SCAPER: variants seen among roughly 807,000 people sequenced by gnomAD.
SCAPER encodes the protein S-phase cyclin A associated protein in the ER.
SCAPER carries 98 observed loss-of-function variants against 182.2 expected under a neutral mutation model. The ratio of observed to expected loss-of-function variants is 0.54; its 90% CI spans 0.46 to 0.64. The LOEUF (loss-of-function observed/expected upper bound fraction) is 0.64. SCAPER is among the 30% of genes least tolerant of loss of function. The pLI, the probability that SCAPER is intolerant of heterozygous loss-of-function variation, is 0.00. For missense variants in SCAPER, 1,432 were observed against 1,690.0 expected (o/e 0.85, Z 2.68); for synonymous variants, 605 against 564.6 (o/e 1.07, Z -1.01).
At chr15:76,831,325 C>T (rs941293418) in intron 5 of SCAPER, among the ~76,000 whole-genome samples, 13 of 152,084 alleles carry the variant, frequency 8.5e-5, no homozygotes, top group African/African-American at 2.4e-4. Flanking sequence ...ACACTCGCAA[C>T]ACAGCCACAG....
chr15:76,616,382 C>A (rs1300963752), intron 22 of SCAPER, among the ~76,000 whole-genome samples: 1 of 152,040 alleles, frequency 6.6e-6, no homozygotes, highest in South Asian at 2.1e-4. Context: ...AAGACAAATA[C>A]TGTATATTTA....
In SCAPER at chr15:76,592,415, T is replaced by C. The variant is rs1258960610; in HGVS notation, c.2712-18131A>G. On this transcript the variant is annotated intron_variant, in intron 22 of 31. Coordinates refer to ENST00000563290, the MANE Select transcript of SCAPER (RefSeq NM_020843.4). ...CTGTGACTCCCTTATGCTACAAAGA[T>C]AGACAGTTGAATAAGTGAGACTCAC... 2.5e-4 allele frequency among the ~76,000 whole-genome samples: 31 copies of C among 122,014 alleles called. 5 individuals are homozygous for C. The highest frequency in any genetic ancestry group is 7.8e-4 in the African/African-American group (31 of 39,878). 80.0% of individuals were successfully genotyped at this position (122,014 alleles called of 152,430 possible). A position where few individuals can be genotyped will look rare whatever the true frequency, so the allele number is the denominator to read the frequency against.
chr15:76,705,054 C>A (rs1376851198), intron 18 of SCAPER, among the ~76,000 whole-genome samples: 17 of 151,944 alleles, frequency 1.1e-4, no homozygotes, highest in African/African-American at 1.5e-4. Flanking sequence ...GAGTATATAC[C>A]CAAAGGACTA....
At chr15:76,653,029 G>A (rs1417563077) in intron 21 of SCAPER, among the ~76,000 whole-genome samples, 2 of 152,076 alleles carry the variant, frequency 1.3e-5, no homozygotes, top group South Asian at 2.1e-4. Context: ...GTAAAGTTTC[G>A]GAATACAAAA....
chr15:76,540,458 T>C (rs978392050), intron 23 of SCAPER, among the ~76,000 whole-genome samples: 1 of 152,166 alleles, frequency 6.6e-6, no homozygotes, highest in Admixed American at 6.5e-5. Flanking sequence ...TAGATCTTCA[T>C]GTGTTGACAT....
At chr15:76,424,543 G>A (rs2046282836) in intron 26 of SCAPER, among the ~76,000 whole-genome samples, 1 of 152,134 alleles carries the variant, frequency 6.6e-6, no homozygotes, top group Non-Finnish European at 1.5e-5. Flanking sequence ...ACTGAATACA[G>A]CACATTGATG....
intron 17 of SCAPER, among the ~76,000 whole-genome samples, chr15:76,706,814 C>A (rs1419722961): frequency 4.0e-5 from 6 of 151,742 alleles, no homozygotes; most frequent in African/African-American, 1.5e-4. Context: ...ATTTAAAGTA[C>A]AATAAATTAA....
intron 15 of SCAPER, among the ~76,000 whole-genome samples, chr15:76,746,587 T>C (rs1748743539): frequency 6.6e-6 from 1 of 152,232 alleles, no homozygotes; most frequent in Non-Finnish European, 1.5e-5. Flanking sequence ...AAACAAACTA[T>C]ATTTGCAGAC....
chr15:76,396,003 G>A (rs1371524379), intron 27 of SCAPER, among the ~76,000 whole-genome samples: 3 of 152,052 alleles, frequency 2.0e-5, no homozygotes, highest in East Asian at 1.9e-4. Flanking sequence ...AATCCATTTC[G>A]ATTTCTGTAT....
At chr15:76,860,118 G>A (rs1054406200) in intron 3 of SCAPER, among the ~76,000 whole-genome samples, 1 of 152,126 alleles carries the variant, frequency 6.6e-6, no homozygotes, top group Non-Finnish European at 1.5e-5. Context: ...ATGTACAGAT[G>A]TTTGATTATT....
intron 26 of SCAPER, among the ~76,000 whole-genome samples, chr15:76,408,557 T>C (rs1330399116): frequency 2.6e-5 from 4 of 152,056 alleles, no homozygotes; most frequent in Non-Finnish European, 5.9e-5. Flanking sequence ...GGGCTCTTGA[T>C]ATACATAGCC....
chr15:76,454,169 T>C (rs1326259851), intron 25 of SCAPER, among the ~76,000 whole-genome samples: 1 of 152,208 alleles, frequency 6.6e-6, no homozygotes, highest in Non-Finnish European at 1.5e-5. Context: ...GATGTTTTTT[T>C]TTCTTATTGT....
At chr15:76,641,890 T>G (rs569483608) in intron 21 of SCAPER, among the ~76,000 whole-genome samples, 1 of 152,214 alleles carries the variant, frequency 6.6e-6, no homozygotes, top group African/African-American at 2.4e-5. Context: ...TTTGTCTAAA[T>G]GAAGAACAAC....
intron 15 of SCAPER, among the ~76,000 whole-genome samples, chr15:76,747,556 G>A (rs2061860369): frequency 6.6e-6 from 1 of 151,982 alleles, no homozygotes; most frequent in Non-Finnish European, 1.5e-5. Context: ...CAATGTTGGA[G>A]GTAGAGGCCT....
intron 14 of SCAPER, among the ~76,000 whole-genome samples, chr15:76,759,593 A>G (rs915627084): frequency 3.3e-5 from 5 of 152,200 alleles, no homozygotes. Flanking sequence ...GAAGGAATAA[A>G]CATTAAAACA....
At chr15:76,610,616 C>T (rs755018019) in intron 22 of SCAPER, among the ~76,000 whole-genome samples, 2 of 151,972 alleles carry the variant, frequency 1.3e-5, no homozygotes. Context: ...ACAAAAGTCA[C>T]TAAGATTTCT....
chr15:76,781,062 C>T (rs967583359), intron 8 of SCAPER, among the ~76,000 whole-genome samples: 6 of 152,146 alleles, frequency 3.9e-5, no homozygotes, highest in Admixed American at 6.5e-5. Context: ...AAGTAGGCTT[C>T]AGAAGGCCAG....
chr15:76,387,790 A>T (rs2043386972), intron 27 of SCAPER, among the ~76,000 whole-genome samples: 1 of 152,192 alleles, frequency 6.6e-6, no homozygotes, highest in Non-Finnish European at 1.5e-5. Context: ...AATATACACA[A>T]ATGACTTAAG....
intron 27 of SCAPER, 74 bp from the exon 28 acceptor site, chr15:76,381,689 A>G: frequency 8.4e-7 from 1 of 1,191,120 alleles, no homozygotes; most frequent in Non-Finnish European, 1.2e-6. Context: ...GTTAAATGAA[A>G]CAAGACAAGC....
Sources: gnomAD v4.1 joint callset for allele counts (sites outside exome capture counted in the v4.1 genomes callset) on GRCh38, gnomAD v4.1.1 for gene constraint, MANE v1.5 for transcripts, NCBI Gene and HGNC (gene_info 2026-07-23, HGNC 2026-07-21) for gene names.